The following EPB41 variants were observed in gnomAD, a reference collection of about 807,000 sequenced individuals.
The protein encoded by EPB41 is erythrocyte membrane protein band 4.1.
EPB41 carries 65 observed loss-of-function variants against 108.0 expected under a neutral mutation model. That is an observed-to-expected ratio of 0.60 (90% CI 0.49 to 0.74). EPB41 has a LOEUF of 0.74. EPB41 is among the 30% of genes least tolerant of loss of function. EPB41 has a pLI of 0.00. For synonymous variants in EPB41, 336 were observed against 358.9 expected, an observed-to-expected ratio of 0.94 and a Z score of 0.72; for missense variants, 875 against 1,037.0, an observed-to-expected ratio of 0.84 and a Z score of 2.15.
At chr1:28,950,550 C>A (rs2094676943) in intron 1 of EPB41, among the ~76,000 whole-genome samples, 2 of 152,198 alleles carry the variant, frequency 1.3e-5, no homozygotes, top group African/African-American at 4.8e-5. Flanking sequence ...TTATGCTCTG[C>A]CAACCTTAAC....
intron 7 of EPB41, among the ~76,000 whole-genome samples, chr1:29,028,968 G>C (rs1180677833): frequency 1.3e-5 from 2 of 152,016 alleles, no homozygotes; most frequent in Admixed American, 1.3e-4. Flanking sequence ...CTTGAGCCTG[G>C]GAAGTGGAGG....
At chr1:28,887,158 A>G, upstream of EPB41, 3 of 1,112,972 alleles carry the variant, frequency 2.7e-6, no homozygotes, top group Middle Eastern at 2.5e-4. The surrounding 1 kb of genome is among the most constrained non-coding windows in gnomAD (Gnocchi z 4.9). Context: ...AAAGGGCGAG[A>G]GCGGCGCGGA....
chr1:28,974,050 C>G (rs1048231802), intron 1 of EPB41, among the ~76,000 whole-genome samples: 4 of 152,162 alleles, frequency 2.6e-5, no homozygotes, highest in Non-Finnish European at 4.4e-5. Context: ...GGCTAAAGGT[C>G]CCAATATCAT....
chr1:29,105,136 T>TA (rs1171531982), intron 17 of EPB41, among the ~76,000 whole-genome samples: 2 of 152,246 alleles, frequency 1.3e-5, no homozygotes, highest in African/African-American at 4.8e-5. Flanking sequence ...TCTACCCCTT[T>TA]AGGCAGCCAG....
At chr1:29,023,906 G>A (rs949186160) in intron 7 of EPB41, among the ~76,000 whole-genome samples, 3 of 151,820 alleles carry the variant, frequency 2.0e-5, no homozygotes, top group South Asian at 2.1e-4. Flanking sequence ...AGTTACTTAA[G>A]CTCTCTAAGC....
chr1:28,887,787 C>CGCCA lies in EPB41; in HGVS notation c.-8+581_-8+584dup. 1 of 640,166 alleles carries CGCCA rather than the reference C, an allele frequency of 1.6e-6. No individual in the cohort carries two copies. The highest frequency in any genetic ancestry group is 1.9e-6 in the Non-Finnish European group (1 of 514,378). The allele number at this position is 640,166 out of a possible 1,614,324, so 39.7% of individuals were successfully genotyped here. ...GCCAGGGTGGCCCCCCCGGCCGTCG[C>CGCCA]GCCAGCCCCACACCCTCCCTGCCAG... On this transcript the variant is annotated intron_variant, in intron 1 of 16. Transcript: ENST00000347529. This position sits in a 1 kb window ranked among gnomAD's most constrained non-coding sequence, Gnocchi z 4.9.
chr1:29,006,304 T>C (rs2149826684), intron 4 of EPB41, among the ~76,000 whole-genome samples: 1 of 151,312 alleles, frequency 6.6e-6, no homozygotes, highest in East Asian at 1.9e-4. Flanking sequence ...TGGCTTGATC[T>C]TGGCTCACTG....
chr1:28,969,609 CA>C (rs1239181945), intron 1 of EPB41, among the ~76,000 whole-genome samples: 1 of 148,466 alleles, frequency 6.7e-6, no homozygotes, highest in Non-Finnish European at 1.5e-5. Flanking sequence ...ACTAAAAATA[CA>C]AAAAATTGGC....
At chr1:28,923,135 T>A (rs1213016676) in intron 1 of EPB41, among the ~76,000 whole-genome samples, 2 of 127,132 alleles carry the variant, frequency 1.6e-5, no homozygotes, top group African/African-American at 6.4e-5. Context: ...TTTTTTGAGA[T>A]GGAGTCTCAC....
upstream of EPB41, among the ~76,000 whole-genome samples, chr1:28,909,869 GA>G (rs929533431): frequency 2.0e-5 from 3 of 152,074 alleles, no homozygotes; most frequent in African/African-American, 7.2e-5. Flanking sequence ...TCATGCTTGA[GA>G]CCAGGAGTTC....
intron 1 of EPB41, among the ~76,000 whole-genome samples, chr1:28,935,331 A>G (rs2093950936): frequency 6.6e-6 from 1 of 151,090 alleles, no homozygotes; most frequent in South Asian, 2.1e-4. Flanking sequence ...GCTACTCGGG[A>G]GTCTGAGGCA....
intron 1 of EPB41, among the ~76,000 whole-genome samples, chr1:28,940,815 G>A (rs1467403644): frequency 2.0e-5 from 3 of 152,082 alleles, no homozygotes; most frequent in Non-Finnish European, 4.4e-5. Context: ...AAAAGAAAAT[G>A]TTTACAATCG....
chr1:28,923,885 A>G (rs1020028833), intron 1 of EPB41, among the ~76,000 whole-genome samples: 37 of 152,276 alleles, frequency 2.4e-4, no homozygotes, highest in Non-Finnish European at 1.3e-4. Flanking sequence ...ATGGCCCCCA[A>G]TTATCCCTCC....
intron 1 of EPB41, among the ~76,000 whole-genome samples, chr1:28,958,213 G>A (rs1382013124): frequency 6.6e-6 from 1 of 152,132 alleles, no homozygotes; most frequent in Non-Finnish European, 1.5e-5. Flanking sequence ...AATGAGCCAG[G>A]CATGGTGGCT....
At chr1:29,059,501 T>G (rs1646137481) in intron 14 of EPB41, among the ~76,000 whole-genome samples, 1 of 151,400 alleles carries the variant, frequency 6.6e-6, no homozygotes. Flanking sequence ...CATAGCTGGC[T>G]GTGATGGCTC....
chr1:28,981,118 C>T (rs2095734977), intron 1 of EPB41, among the ~76,000 whole-genome samples: 2 of 152,124 alleles, frequency 1.3e-5, no homozygotes, highest in African/African-American at 4.8e-5. Flanking sequence ...CTGAAGAAAC[C>T]AGTGAAGTTA....
rs2089558990 is a variant in EPB41 at position 28,887,522 on chromosome 1, T to C, written c.-8+312T>C. The C allele has an allele frequency of 5.1e-6, 5 of 985,074 alleles. No individual in the cohort carries two copies. In the South Asian group the frequency reaches 1.9e-4, roughly 37 times the overall value. 61.0% of individuals were successfully genotyped at this position (985,074 alleles called of 1,614,324 possible). On this transcript the variant is annotated intron_variant, in intron 1 of 16. Coordinates refer to the EPB41 transcript ENST00000347529. This position sits in a 1 kb window ranked among gnomAD's most constrained non-coding sequence, Gnocchi z 4.9. Reference sequence around the variant, plus strand: ...GGCTGTCTGGGGCGGGGGTCCTGCATTCGGTGTCCGCGGGAGAGTCCCTGC... The same window carrying C: ...GGCTGTCTGGGGCGGGGGTCCTGCACTCGGTGTCCGCGGGAGAGTCCCTGC...
chr1:28,956,652 A>C (rs904188904), intron 1 of EPB41, among the ~76,000 whole-genome samples: 1 of 152,198 alleles, frequency 6.6e-6, no homozygotes, highest in Non-Finnish European at 1.5e-5. Flanking sequence ...TCATTATTAG[A>C]TAATTATGTG....
intron 7 of EPB41, among the ~76,000 whole-genome samples, chr1:29,024,020 G>C (rs1303683552): frequency 6.6e-6 from 1 of 151,956 alleles, no homozygotes; most frequent in African/African-American, 2.4e-5. Flanking sequence ...TATATAGTGA[G>C]AGTTCAAATA....
Sources: allele counts gnomAD v4.1 joint callset (sites outside exome capture counted in the v4.1 genomes callset), GRCh38; gene constraint gnomAD v4.1.1; non-coding constraint Gnocchi (gnomAD v3.1); transcripts MANE v1.5; gene names NCBI Gene and HGNC (gene_info 2026-07-23, HGNC 2026-07-21).